The following KIF6 variants were observed in gnomAD, a reference collection of about 807,000 sequenced individuals.
The protein encoded by KIF6 is kinesin-like protein KIF6.
Under a neutral mutation model 112.7 loss-of-function variants are expected in KIF6, and 106 were observed. That is an observed-to-expected ratio of 0.94 (90% CI 0.80 to 1.11). KIF6 has a LOEUF of 1.11. Among genes scored for constraint, KIF6 ranks in the 50% least tolerant of loss-of-function variants. KIF6 has a pLI of 0.00. For synonymous variants in KIF6, 339 were observed against 339.9 expected, an observed-to-expected ratio of 1.00 and a Z score of 0.03; for missense variants, 929 against 964.0, an observed-to-expected ratio of 0.96 and a Z score of 0.48.
intron 5 of KIF6, among the ~76,000 whole-genome samples, chr6:39,630,446 T>A (rs922442456): frequency 3.9e-5 from 6 of 152,092 alleles, no homozygotes; most frequent in African/African-American, 1.4e-4. Flanking sequence ...TTGATGCTAA[T>A]GTAGGCAGTA....
rs182131273 is a variant in KIF6, at chr6:39,574,980, C to G, written c.1181+3076G>C. 6.9e-4 allele frequency among the ~76,000 whole-genome samples: 105 copies of G among 152,168 alleles called. 1 individual carries two copies. Among genetic ancestry groups the G allele is most frequent in the Admixed American group, 6.7e-3 (102 of 15,282 alleles). On this transcript the variant is annotated intron_variant, in intron 10 of 22. Transcript: ENST00000287152. Reference sequence around the variant, plus strand: ...TATATTTTTTCATTTCCAAGATTTCCCCTTGATTTTGCTTCATAAAAGTCA... The same window carrying G: ...TATATTTTTTCATTTCCAAGATTTCGCCTTGATTTTGCTTCATAAAAGTCA...
chr6:39,451,323 G>A (rs968079603), intron 13 of KIF6, among the ~76,000 whole-genome samples: 4 of 152,224 alleles, frequency 2.6e-5, no homozygotes, highest in African/African-American at 9.6e-5. Context: ...AGAAAGATAT[G>A]AATGATGGGG....
intron 13 of KIF6, among the ~76,000 whole-genome samples, chr6:39,462,799 T>C (rs1773558343): frequency 6.6e-6 from 1 of 152,194 alleles, no homozygotes; most frequent in African/African-American, 2.4e-5. Context: ...ATATATTTGC[T>C]ACTAGATTAT....
At chr6:39,446,742 G>C (rs951113674) in intron 13 of KIF6, among the ~76,000 whole-genome samples, 1 of 152,050 alleles carries the variant, frequency 6.6e-6, no homozygotes, top group East Asian at 1.9e-4. Flanking sequence ...CACCAGCCTC[G>C]GCCTCCCAAA....
At chr6:39,449,981 C>T (rs1772581664) in intron 13 of KIF6, among the ~76,000 whole-genome samples, 1 of 152,198 alleles carries the variant, frequency 6.6e-6, no homozygotes, top group African/African-American at 2.4e-5. Flanking sequence ...CTCTTTCTCA[C>T]TAGGTTTTCA....
At chr6:39,353,914 T>C (rs41519049) in intron 19 of KIF6, 58,750 of 516,926 alleles carry the variant, frequency 0.11, 4,379 homozygotes, top group African/African-American at 0.25. Context: ...CTAAGTGTGA[T>C]GCCCAGACCC....
chr6:39,651,187 C>A (rs111594086), intron 3 of KIF6, among the ~76,000 whole-genome samples: 10,538 of 152,224 alleles, frequency 0.069, 412 homozygotes, highest in Middle Eastern at 0.11. Flanking sequence ...ACTGTGTTTT[C>A]CTAGAGACTC....
At chr6:39,679,898 T>C (rs1461540504) in intron 3 of KIF6, among the ~76,000 whole-genome samples, 2 of 151,406 alleles carry the variant, frequency 1.3e-5, no homozygotes. Context: ...ATTACAGGCG[T>C]GAGCCACCAT....
chr6:39,443,633 G>A lies in KIF6; in HGVS notation c.1646-12472C>T, dbSNP rs375189612. Reference sequence around the variant, plus strand: ...TAATTTTTGTATAACTAGTAGCGATGGGGTTTCGCCATGTTGGCCAGACTG... The same window carrying A: ...TAATTTTTGTATAACTAGTAGCGATAGGGTTTCGCCATGTTGGCCAGACTG... On this transcript the variant is annotated intron_variant, in intron 13 of 22. Transcript: ENST00000287152. Among the ~76,000 whole-genome samples the A allele has an allele frequency of 2.6e-5, 4 of 152,102 alleles. No individual in the cohort carries two copies. The South Asian group carries it at 6.3e-4, about 24-fold the overall frequency.
intron 13 of KIF6, among the ~76,000 whole-genome samples, chr6:39,510,963 A>T (rs1467928525): frequency 1.3e-5 from 2 of 152,058 alleles, no homozygotes; most frequent in African/African-American, 2.4e-5. Context: ...AAAGAGACAA[A>T]GAAGGCCATT....
chr6:39,598,288 C>T (rs981255845), intron 6 of KIF6, among the ~76,000 whole-genome samples: 1 of 151,904 alleles, frequency 6.6e-6, no homozygotes, highest in African/African-American at 2.4e-5. Context: ...AGGAAGAAAT[C>T]TGGAAATGGT....
chr6:39,573,603 C>T (rs945360763), intron 10 of KIF6, among the ~76,000 whole-genome samples: 1 of 152,162 alleles, frequency 6.6e-6, no homozygotes, highest in Non-Finnish European at 1.5e-5. Flanking sequence ...TCCCTAACTG[C>T]TAGTCAGAAA....
chr6:39,610,850 C>T (rs2150715535), intron 6 of KIF6, among the ~76,000 whole-genome samples: 1 of 152,186 alleles, frequency 6.6e-6, no homozygotes, highest in South Asian at 2.1e-4. Context: ...ACAGAAGCAA[C>T]CAAAACCTAT....
intron 10 of KIF6, among the ~76,000 whole-genome samples, chr6:39,566,459 G>C (rs943811805): frequency 6.6e-6 from 1 of 152,240 alleles, no homozygotes; most frequent in African/African-American, 2.4e-5. Context: ...ATGGGTAAGA[G>C]TGTGGACAGT....
chr6:39,583,674 C>CTTTTTTTTTTTTT (rs564229262), intron 9 of KIF6, among the ~76,000 whole-genome samples: 1 of 71,706 alleles, frequency 1.4e-5, no homozygotes, highest in African/African-American at 4.9e-5. Flanking sequence ...GATTTCACTT[C>CTTTTTTTTTTTTT]TTTTTTTTTT....
At chr6:39,583,674 CTTTTTTTTTTTTTTTTTT>C (rs564229262) in intron 9 of KIF6, among the ~76,000 whole-genome samples, 140 of 71,706 alleles carry the variant, frequency 2.0e-3, no homozygotes, top group African/African-American at 6.4e-3. Context: ...GATTTCACTT[CTTTTTTTTTTTTTTTTTT>C]TTTTTTTTTT....
At chr6:39,386,369 A>C (rs1292309829) in intron 15 of KIF6, among the ~76,000 whole-genome samples, 4 of 152,156 alleles carry the variant, frequency 2.6e-5, no homozygotes, top group Non-Finnish European at 5.9e-5. Context: ...CATCTGAGAA[A>C]TATTTAAGGT....
At chr6:39,575,561 C>T (rs750722449) in intron 10 of KIF6, among the ~76,000 whole-genome samples, 5 of 152,126 alleles carry the variant, frequency 3.3e-5, no homozygotes, top group Admixed American at 6.5e-5. Flanking sequence ...TGAGCCACCA[C>T]GCCCGGCTGC....
chr6:39,558,590 A>G (rs933855320), intron 10 of KIF6, among the ~76,000 whole-genome samples: 6 of 152,176 alleles, frequency 3.9e-5, no homozygotes, highest in African/African-American at 1.4e-4. Flanking sequence ...AATTTCCTGG[A>G]GCTCACAAAA....
Sources: allele counts gnomAD v4.1 joint callset (sites outside exome capture counted in the v4.1 genomes callset), GRCh38; gene constraint gnomAD v4.1.1; transcripts MANE v1.5; gene names NCBI Gene and HGNC (gene_info 2026-07-23, HGNC 2026-07-21).